The following RANBP2 variants were observed in gnomAD, a reference collection of about 807,000 sequenced individuals.
RANBP2 encodes RAN binding protein 2, also known as E3 SUMO-protein ligase RanBP2.
RANBP2 carries 57 observed loss-of-function variants against 303.6 expected under a neutral mutation model. The observed-to-expected ratio is 0.19, with a 90% CI of 0.15 to 0.23. The LOEUF is 0.23. Among genes scored for constraint, RANBP2 ranks in the 10% least tolerant of loss-of-function variants. The probability of loss-of-function intolerance (pLI) is 1.00; values close to 1 mark genes in which losing one functional copy is unlikely to be tolerated. For missense variants in RANBP2, 3,138 were observed against 3,780.8 expected, an observed-to-expected ratio of 0.83 and a Z score of 4.46; for synonymous variants, 1,167 against 1,301.5, an observed-to-expected ratio of 0.90 and a Z score of 2.23.
chr2:109,159,642 C>A, the RANBP2 span, among the ~76,000 whole-genome samples: 2 of 152,196 alleles, frequency 1.3e-5, no homozygotes, highest in South Asian at 4.1e-4. Context: ...AACTGGGTTG[C>A]ACAGCAGGAG....
the RANBP2 span, chr2:109,574,724 A>G: frequency 6.2e-7 from 1 of 1,604,752 alleles, no homozygotes; most frequent in Non-Finnish European, 8.5e-7. Flanking sequence ...TCTTGGAGAT[A>G]GGCCTCAAAC....
chr2:109,727,918 G>GC, the RANBP2 span, among the ~76,000 whole-genome samples: 16 of 152,092 alleles, frequency 1.1e-4, no homozygotes, highest in African/African-American at 3.9e-4. Context: ...CTAGAACCTT[G>GC]CCACTTCCTT....
chr2:109,614,557 C>A, the RANBP2 span: 2 of 1,326,942 alleles, frequency 1.5e-6, no homozygotes, highest in Non-Finnish European at 1.9e-6. Flanking sequence ...CGCTTCCTGG[C>A]GGAGCGCGGG....
At chr2:108,929,072 G>C in the RANBP2 span, 2 of 1,129,078 alleles carry the variant, frequency 1.8e-6, no homozygotes, top group East Asian at 2.5e-5. Context: ...TGGGACCAAG[G>C]CCAGGTGTGC....
At chr2:108,971,014 G>T in the RANBP2 span, among the ~76,000 whole-genome samples, 1 of 152,144 alleles carries the variant, frequency 6.6e-6, no homozygotes, top group Non-Finnish European at 1.5e-5. Flanking sequence ...GTCCTGCTGT[G>T]GACCTGAGGG....
chr2:109,518,648 C>T, the RANBP2 span, among the ~76,000 whole-genome samples: 1 of 152,114 alleles, frequency 6.6e-6, no homozygotes. Context: ...TCCAACTGAA[C>T]TTTGTTGTAA....
chr2:109,732,556 G>A, the RANBP2 span, among the ~76,000 whole-genome samples: 8 of 147,572 alleles, frequency 5.4e-5, no homozygotes, highest in Non-Finnish European at 1.0e-4. Flanking sequence ...TCGGCTTACT[G>A]CAACCTCCGC....
chr2:109,692,371 ACG>A, the RANBP2 span, among the ~76,000 whole-genome samples: 1 of 152,178 alleles, frequency 6.6e-6, no homozygotes, highest in African/African-American at 2.4e-5. Flanking sequence ...TAAAGTGGTT[ACG>A]GTGGTGGCAG....
the RANBP2 span, among the ~76,000 whole-genome samples, chr2:109,496,569 A>G: frequency 3.3e-5 from 5 of 151,972 alleles, no homozygotes; most frequent in African/African-American, 1.2e-4. Context: ...GGCCTGGCCG[A>G]CTCCTGCCCC....
the RANBP2 span, among the ~76,000 whole-genome samples, chr2:109,341,034 C>T: frequency 1.1e-4 from 17 of 152,214 alleles, no homozygotes; most frequent in African/African-American, 2.4e-4. Flanking sequence ...GTAGTGGCCT[C>T]GTCACCCTGT....
the RANBP2 span, among the ~76,000 whole-genome samples, chr2:109,727,440 C>A: frequency 6.6e-6 from 1 of 152,162 alleles, no homozygotes; most frequent in African/African-American, 2.4e-5. Flanking sequence ...GTGGGTGGAG[C>A]TGGGACTCCA....
At chr2:109,410,789 G>A in the RANBP2 span, among the ~76,000 whole-genome samples, 1 of 152,232 alleles carries the variant, frequency 6.6e-6, no homozygotes, top group Non-Finnish European at 1.5e-5. Context: ...TCCTGGGCAT[G>A]GGCTGCTAGG....
At chr2:109,732,486 T>C in the RANBP2 span, among the ~76,000 whole-genome samples, 2 of 151,612 alleles carry the variant, frequency 1.3e-5, no homozygotes, top group Non-Finnish European at 2.9e-5. Context: ...TCATCTTTTT[T>C]TTTTTTTTTT....
At chr2:109,349,494 G>C in the RANBP2 span, among the ~76,000 whole-genome samples, 14 of 152,302 alleles carry the variant, frequency 9.2e-5, no homozygotes, top group African/African-American at 3.4e-4. Flanking sequence ...TCTCTGCCCA[G>C]TGGACTCTTC....
At chr2:109,740,553 T>C in the RANBP2 span, among the ~76,000 whole-genome samples, 1 of 152,158 alleles carries the variant, frequency 6.6e-6, no homozygotes, top group South Asian at 2.1e-4. Flanking sequence ...TTCCCCAAGG[T>C]AGACCACATT....
the RANBP2 span, among the ~76,000 whole-genome samples, chr2:109,611,808 C>T: frequency 6.6e-6 from 1 of 152,078 alleles, no homozygotes; most frequent in East Asian, 1.9e-4. Flanking sequence ...ATAAGAATGG[C>T]TAAATTAAAA....
chr2:108,991,524 T>C, the RANBP2 span, among the ~76,000 whole-genome samples: 1 of 152,196 alleles, frequency 6.6e-6, no homozygotes, highest in Non-Finnish European at 1.5e-5. Context: ...AATTGTAATT[T>C]AGAACACATG....
At chr2:109,104,351 T>G in the RANBP2 span, among the ~76,000 whole-genome samples, 1 of 152,128 alleles carries the variant, frequency 6.6e-6, no homozygotes, top group Non-Finnish European at 1.5e-5. Context: ...AGAGGGCATA[T>G]AAGGAGGCAT....
the RANBP2 span, among the ~76,000 whole-genome samples, chr2:109,341,541 T>G: frequency 6.6e-6 from 1 of 152,034 alleles, no homozygotes; most frequent in Non-Finnish European, 1.5e-5. Flanking sequence ...CCTGAGTGAG[T>G]CAGAATATAA....
Sources: allele counts gnomAD v4.1 joint callset (sites outside exome capture counted in the v4.1 genomes callset), GRCh38; gene constraint gnomAD v4.1.1; transcripts MANE v1.5; gene names NCBI Gene and HGNC (gene_info 2026-07-23, HGNC 2026-07-21).